PIK3R6: variants seen among roughly 807,000 people sequenced by gnomAD.
The protein encoded by PIK3R6 is phosphoinositide 3-kinase regulatory subunit 6.
In PIK3R6, 91 loss-of-function variants were observed where a neutral mutation model predicts 84.9. The observed-to-expected ratio is 1.07, with a 90% CI of 0.90 to 1.28. The LOEUF is 1.28. Among genes scored for constraint, PIK3R6 ranks in the 50% most tolerant of loss-of-function variants. PIK3R6 has a pLI of 0.00. For missense variants in PIK3R6, 996 were observed against 985.1 expected (o/e 1.01, Z -0.15); for synonymous variants, 416 against 411.4 (o/e 1.01, Z -0.13).
At chr17:8,841,586 A>G (rs1023581297) in intron 2 of PIK3R6, among the ~76,000 whole-genome samples, 2 of 152,072 alleles carry the variant, frequency 1.3e-5, no homozygotes, top group African/African-American at 4.8e-5. Flanking sequence ...GCTTTTCTTT[A>G]TTCCAAGTTG....
intron 13 of PIK3R6, among the ~76,000 whole-genome samples, chr17:8,825,146 A>G (rs2087876585): frequency 6.6e-6 from 1 of 152,206 alleles, no homozygotes; most frequent in Non-Finnish European, 1.5e-5. Context: ...ATTGGACAGA[A>G]GCTGTATGAC....
chr17:8,835,986 C>T (rs907298130), intron 7 of PIK3R6, among the ~76,000 whole-genome samples: 1 of 152,168 alleles, frequency 6.6e-6, no homozygotes, highest in Non-Finnish European at 1.5e-5. Flanking sequence ...ACCCCAAACT[C>T]AAGCTGTGCC....
chr17:8,866,138 G>A (rs868429803), intron 1 of PIK3R6, among the ~76,000 whole-genome samples: 1 of 152,118 alleles, frequency 6.6e-6, no homozygotes, highest in African/African-American at 2.4e-5. Flanking sequence ...AAACCTCCGT[G>A]CCTCAGTTTC....
intron 16 of PIK3R6, 111 bp from the exon 17 acceptor site, chr17:8,822,047 A>G (rs1319347208): frequency 1.2e-5 from 7 of 574,384 alleles, no homozygotes; most frequent in Non-Finnish European, 2.0e-5. Flanking sequence ...CCCTGCTGTG[A>G]GAGTCTTTTT....
intron 1 of PIK3R6, among the ~76,000 whole-genome samples, chr17:8,866,524 A>C (rs2089417095): frequency 6.6e-6 from 1 of 152,106 alleles, no homozygotes; most frequent in Non-Finnish European, 1.5e-5. Context: ...CCTGCGCAAA[A>C]GCGTGAGACT....
intron 18 of PIK3R6, among the ~76,000 whole-genome samples, chr17:8,804,599 A>C (rs182503894): frequency 6.6e-6 from 1 of 152,200 alleles, no homozygotes; most frequent in Admixed American, 6.5e-5. Context: ...TGCTGCAGAC[A>C]CAGAGGGTCT....
chr17:8,829,450 GC>G (rs2088115923), intron 10 of PIK3R6, among the ~76,000 whole-genome samples: 1 of 117,516 alleles, frequency 8.5e-6, no homozygotes, highest in Non-Finnish European at 1.7e-5. Context: ...ACACTGACAC[GC>G]ATCCACACAC....
chr17:8,845,477 A>G (rs2088793949), intron 2 of PIK3R6, among the ~76,000 whole-genome samples: 1 of 152,090 alleles, frequency 6.6e-6, no homozygotes, highest in Non-Finnish European at 1.5e-5. Context: ...GTGTCTGTTC[A>G]TGTCTTTTAC....
chr17:8,863,536 T>A (rs2089329473), intron 1 of PIK3R6, among the ~76,000 whole-genome samples: 1 of 151,982 alleles, frequency 6.6e-6, no homozygotes, highest in Non-Finnish European at 1.5e-5. Context: ...CAAGTGTGTG[T>A]GTGTGTGTTT....
chr17:8,836,285 AC>A (rs2088463723), intron 7 of PIK3R6, among the ~76,000 whole-genome samples: 1 of 152,136 alleles, frequency 6.6e-6, no homozygotes, highest in African/African-American at 2.4e-5. Flanking sequence ...GGCCATGTCC[AC>A]CTTCTGCATG....
intron 2 of PIK3R6, among the ~76,000 whole-genome samples, chr17:8,846,049 G>A (rs1174202605): frequency 1.3e-5 from 2 of 152,118 alleles, no homozygotes; most frequent in East Asian, 3.9e-4. Context: ...TCTTTCAAAA[G>A]ATTGATGTCT....
chr17:8,838,595 A>G lies in PIK3R6; in HGVS notation c.158T>C (p.Leu53Pro). 1.2e-6 allele frequency: 2 copies of G among 1,606,612 alleles called. No individual in the cohort carries two copies. The highest frequency in any genetic ancestry group is 4.5e-5 in the East Asian group (2 of 44,636). Residue 53 changes from leucine (L) to proline (P), a missense_variant, in exon 4 of 20, where the codon CTG (leucine) becomes CCG (proline). Physicochemically the swap from Leu to Pro is moderately conservative, Grantham distance 98 (BLOSUM62 -3). Transcript: ENST00000619866. ...CAGTTCTCTGAGAAGAATGCGGACC[A>G]GCACTGGGCTCTTACCGGGATCTCG... ...VERDPGKSPV[L>P]VRILLRELEK... is the part of the protein sequence containing the mutation.
chr17:8,837,072 G>T (rs1307955758), intron 5 of PIK3R6, 149 bp from the exon 6 acceptor site: 12 of 646,542 alleles, frequency 1.9e-5, no homozygotes, highest in Non-Finnish European at 3.3e-5. Flanking sequence ...TGGGCTCACA[G>T]CTCTCTCCCA....
chr17:8,831,880 C>T (rs1348817067), intron 9 of PIK3R6, among the ~76,000 whole-genome samples: 2 of 152,330 alleles, frequency 1.3e-5, no homozygotes, highest in Middle Eastern at 3.4e-3. Flanking sequence ...TTTCTCTGGG[C>T]TATTTCAGAT....
At chr17:8,829,665 G>A (rs1472350231) in intron 10 of PIK3R6, 41 bp downstream of exon 10, 2 of 1,525,372 alleles carry the variant, frequency 1.3e-6, no homozygotes, top group East Asian at 2.5e-5. Context: ...CACAGACACA[G>A]ACATATACCA....
chr17:8,863,724 G>A (rs1242355506), intron 1 of PIK3R6, among the ~76,000 whole-genome samples: 2 of 152,126 alleles, frequency 1.3e-5, no homozygotes, highest in African/African-American at 4.8e-5. Flanking sequence ...TAGTAGAGAT[G>A]GGGTTTCACC....
At chr17:8,829,181 AC>A (rs2088072537) in intron 10 of PIK3R6, among the ~76,000 whole-genome samples, 191 bp from the exon 11 acceptor site, 1 of 130,422 alleles carries the variant, frequency 7.7e-6, no homozygotes, top group African/African-American at 3.1e-5. Flanking sequence ...ATGTACAGAC[AC>A]AGACAGACAT....
At chr17:8,854,218 G>A (rs892420520) in intron 1 of PIK3R6, among the ~76,000 whole-genome samples, 1 of 151,600 alleles carries the variant, frequency 6.6e-6, no homozygotes, top group African/African-American at 2.4e-5. Flanking sequence ...GCGTGATCTT[G>A]GCTCACTGCA....
chr17:8,823,450 G>A lies in PIK3R6; in HGVS notation c.1563C>T (p.Asp521=), dbSNP rs74647789. ...CCATGCGGATGTAGTAGGTGATGAC[G>A]TCTAGGATGAAGGGGTCCACAGTCC... The part of the protein sequence containing the change: ...TSRTVDPFIL[D]VITYYIRMGT... The change falls in exon 14 of 20, where the codon GAC becomes GAT. Residue 521 remains aspartate (D), a synonymous_variant. Coordinates refer to ENST00000619866, the MANE Select transcript of PIK3R6 (RefSeq NM_001010855.4). The A allele has an allele frequency of 6.9e-5, 111 of 1,612,828 alleles. No homozygotes were observed. The African/African-American group carries it at 1.1e-3, about 16-fold the overall frequency.
Sources: gnomAD v4.1 joint callset for allele counts (sites outside exome capture counted in the v4.1 genomes callset) on GRCh38, gnomAD v4.1.1 for gene constraint, MANE v1.5 for transcripts, NCBI Gene and HGNC (gene_info 2026-07-23, HGNC 2026-07-21) for gene names.